The following BMPR1B variants were observed in gnomAD, a reference collection of about 807,000 sequenced individuals.
BMPR1B encodes bone morphogenetic protein receptor type-1B.
In BMPR1B, 12 loss-of-function variants were observed where a neutral mutation model predicts 59.1. That is an observed-to-expected ratio of 0.20 (90% CI 0.13 to 0.33). The LOEUF is 0.33. BMPR1B is among the 10% of genes least tolerant of loss of function. The pLI is 1.00. For synonymous variants in BMPR1B, 237 were observed against 207.3 expected (o/e 1.14, Z -1.23); for missense variants, 550 against 610.9 (o/e 0.90, Z 1.05).
intron 6 of BMPR1B, among the ~76,000 whole-genome samples, chr4:95,123,571 C>A (rs1389749851): frequency 6.6e-6 from 1 of 152,060 alleles, no homozygotes; most frequent in East Asian, 1.9e-4. Context: ...GAGCCTGTTC[C>A]TTCCAGACAG....
In BMPR1B at chr4:95,067,433, A is replaced by G. The variant is rs139303298; in HGVS notation, c.-17-36975A>G. On this transcript the variant is annotated intron_variant, in intron 3 of 12. Coordinates refer to ENST00000515059, the MANE Select transcript of BMPR1B (RefSeq NM_001203.3). ...GTTCCAAGTGAAAAGGACTAGGTTT[A>G]GAAAACCTAGTCGGCCAAGAAGTTT... Among the ~76,000 whole-genome samples the G allele has an allele frequency of 1.7e-3, 253 of 152,324 alleles. 2 individuals carry two copies. The highest frequency in any genetic ancestry group is 5.9e-3 in the African/African-American group (246 of 41,576).
Position 94,957,372 on chromosome 4 carries a change from A to G in BMPR1B, c.-112-38668A>G, listed in dbSNP as rs1191016274. On this transcript the variant is annotated intron_variant, in intron 2 of 12. Coordinates refer to ENST00000515059, the MANE Select transcript of BMPR1B (RefSeq NM_001203.3). ...TTTTTTTTTTTTTTCCTTTTGCAAC[A>G]TGTGTGTGGGAGAATGTATATAAGA... Among the ~76,000 whole-genome samples, 24 of 119,812 alleles carry G rather than the reference A, an allele frequency of 2.0e-4. 1 individual carries two copies. The highest frequency in any genetic ancestry group is 9.9e-4 in the Admixed American group (10 of 10,052). 78.6% of individuals were successfully genotyped at this position (119,812 alleles called of 152,430 possible). A position where few individuals can be genotyped will look rare whatever the true frequency, so the allele number is the denominator to read the frequency against.
intron 1 of BMPR1B, among the ~76,000 whole-genome samples, chr4:94,841,361 C>G (rs1447542703): frequency 1.3e-5 from 2 of 149,848 alleles, no homozygotes; most frequent in African/African-American, 4.9e-5. Flanking sequence ...CTCCCCCAGC[C>G]TCGCTGCCGC....
chr4:95,031,837 G>A (rs748155293), intron 3 of BMPR1B, among the ~76,000 whole-genome samples: 1 of 152,080 alleles, frequency 6.6e-6, no homozygotes, highest in Non-Finnish European at 1.5e-5. Flanking sequence ...TGAGGTGGGA[G>A]GATTGCTTGA....
chr4:95,091,534 T>C, intron 3 of BMPR1B: 5 of 985,368 alleles, frequency 5.1e-6, no homozygotes, highest in Non-Finnish European at 6.0e-6. Flanking sequence ...TGCTGGGCTT[T>C]TTAGTGGAAA....
intron 3 of BMPR1B, among the ~76,000 whole-genome samples, chr4:95,066,088 A>G (rs1052488984): frequency 6.6e-6 from 1 of 152,130 alleles, no homozygotes; most frequent in Non-Finnish European, 1.5e-5. Flanking sequence ...GTAGCTGTTA[A>G]TTTGCCTATG....
chr4:95,097,290 G>C (rs983638372), intron 3 of BMPR1B, among the ~76,000 whole-genome samples: 1 of 151,372 alleles, frequency 6.6e-6, no homozygotes. Flanking sequence ...AGAAAAAAAT[G>C]GCAAAATGGA....
rs1723251997 is a variant in BMPR1B at position 94,797,778 on chromosome 4, G to A, written c.-183+39710G>A. Among the ~76,000 whole-genome samples, 3 of 152,164 alleles carry A rather than the reference G, an allele frequency of 2.0e-5. No individual in the cohort carries two copies. In the South Asian group the frequency reaches 6.2e-4, roughly 32 times the overall value. On this transcript the variant is annotated intron_variant, in intron 1 of 12. Transcript: ENST00000515059. The stretch of plus-strand genomic sequence containing the variant: ...GCCCATGAATTTGTATTTTTAGCAA[G>A]TACTCTAGATGATTCTTATTATTAA...
intron 3 of BMPR1B, among the ~76,000 whole-genome samples, chr4:95,101,878 A>C (rs1730849675): frequency 6.6e-6 from 1 of 151,978 alleles, no homozygotes; most frequent in Admixed American, 6.6e-5. Context: ...TCTGCTTTTC[A>C]GGCTTTTATT....
intron 1 of BMPR1B, among the ~76,000 whole-genome samples, chr4:94,855,529 A>G (rs1195342468): frequency 6.6e-6 from 1 of 152,206 alleles, no homozygotes; most frequent in Admixed American, 6.5e-5. Context: ...TTTTAAAATA[A>G]CATAACATGT....
rs184323867 is a variant in BMPR1B at position 95,127,457 on chromosome 4, G to T, written c.585+2336G>T. 2.0e-3 allele frequency among the ~76,000 whole-genome samples: 300 copies of T among 152,020 alleles called. 1 individual carries two copies. The highest frequency in any genetic ancestry group is 6.4e-3 in the South Asian group (31 of 4,816). On this transcript the variant is annotated intron_variant, in intron 8 of 12. Transcript: ENST00000515059. ...AAAACTTATAATTAAATTATAAAAT[G>T]TATTATCGTTAGAAAAAAAAGCAGA... is the stretch of plus-strand genomic sequence containing the variant.
chr4:95,080,154 T>C (rs1284632608), intron 3 of BMPR1B, among the ~76,000 whole-genome samples: 1 of 152,232 alleles, frequency 6.6e-6, no homozygotes, highest in African/African-American at 2.4e-5. Context: ...AAATCATCTC[T>C]TATACTCACT....
At chr4:94,802,196 C>G (rs1723433942) in intron 1 of BMPR1B, among the ~76,000 whole-genome samples, 1 of 152,128 alleles carries the variant, frequency 6.6e-6, no homozygotes, top group South Asian at 2.1e-4. Flanking sequence ...TGACTGCTTG[C>G]TTTCTCCAGG....
chr4:94,977,012 C>A (rs1205302582), intron 2 of BMPR1B, among the ~76,000 whole-genome samples: 2 of 152,158 alleles, frequency 1.3e-5, no homozygotes, highest in Non-Finnish European at 2.9e-5. Flanking sequence ...GTCCAGAGGT[C>A]ACTTTTAATT....
At chr4:94,944,331 A>T (rs1035396696) in intron 2 of BMPR1B, among the ~76,000 whole-genome samples, 7 of 152,176 alleles carry the variant, frequency 4.6e-5, no homozygotes, top group African/African-American at 1.7e-4. Context: ...TTTATTATTT[A>T]AAAAATACTA....
intron 4 of BMPR1B, among the ~76,000 whole-genome samples, chr4:95,109,230 C>T (rs1049949313): frequency 6.6e-6 from 1 of 152,122 alleles, no homozygotes; most frequent in African/African-American, 2.4e-5. Flanking sequence ...CAAGAATTCT[C>T]CTGCCTGGGC....
chr4:95,028,916 A>G (rs977774744), intron 3 of BMPR1B, among the ~76,000 whole-genome samples: 1 of 152,030 alleles, frequency 6.6e-6, no homozygotes, highest in African/African-American at 2.4e-5. Flanking sequence ...ATTGAGGAAG[A>G]AATTTAAAAG....
In BMPR1B at chr4:94,903,526, T is replaced by TA. The variant is rs1560539724; in HGVS notation, c.-113+27626_-113+27627insA. On this transcript the variant is annotated intron_variant, in intron 2 of 12. Transcript: ENST00000515059. ...TGTATATTACTTACTTTTTTTTTTT[T>TA]TAAAAAGACAATCTTTTAAGATGTT... is the stretch of plus-strand genomic sequence containing the variant. 3.0e-3 allele frequency among the ~76,000 whole-genome samples: 444 copies of TA among 148,506 alleles called. 3 individuals are homozygous for TA. The highest frequency in any genetic ancestry group is 9.7e-3 in the African/African-American group (393 of 40,710).
In BMPR1B at chr4:94,778,596, G is replaced by A. The variant is rs1578632530; in HGVS notation, c.-183+20528G>A. Among the ~76,000 whole-genome samples, 9 of 152,082 alleles carry A rather than the reference G, an allele frequency of 5.9e-5. 2 individuals are homozygous for A. In the Middle Eastern group the frequency reaches 0.027, roughly 463 times the overall value. Reference sequence around the variant, plus strand: ...ATGCTCTTTTTTAAATGTATAAGACGGTGCTATATTGTTTTCCAAAGTAGT... The same window carrying A: ...ATGCTCTTTTTTAAATGTATAAGACAGTGCTATATTGTTTTCCAAAGTAGT... On this transcript the variant is annotated intron_variant, in intron 1 of 12. Coordinates refer to ENST00000515059, the MANE Select transcript of BMPR1B (RefSeq NM_001203.3).
Sources: gnomAD v4.1 joint callset for allele counts (sites outside exome capture counted in the v4.1 genomes callset) on GRCh38, gnomAD v4.1.1 for gene constraint, MANE v1.5 for transcripts, NCBI Gene and HGNC (gene_info 2026-07-23, HGNC 2026-07-21) for gene names.